PDZD2: variants seen among roughly 807,000 people sequenced by gnomAD.
PDZD2 encodes the protein PDZ domain-containing protein 2.
In PDZD2, 90 loss-of-function variants were observed where a neutral mutation model predicts 220.7. That is an observed-to-expected ratio of 0.41 (90% CI 0.34 to 0.49). The LOEUF (loss-of-function observed/expected upper bound fraction) is 0.49, where lower values mean the gene tolerates loss of function less well. PDZD2 is among the 20% of genes least tolerant of loss of function. The probability of loss-of-function intolerance (pLI) is 0.28; values close to 1 mark genes in which losing one functional copy is unlikely to be tolerated. For synonymous variants in PDZD2, 1,375 were observed against 1,450.5 expected (o/e 0.95, Z 1.18); for missense variants, 3,174 against 3,608.5 (o/e 0.88, Z 3.08).
At chr5:31,927,624 G>A (rs1178380115) in intron 2 of PDZD2, among the ~76,000 whole-genome samples, 1 of 151,956 alleles carries the variant, frequency 6.6e-6, no homozygotes. Context: ...AGCTCAGGTG[G>A]TCCACCTGCC....
chr5:31,644,122 T>A (rs2150102313), intron 1 of PDZD2, among the ~76,000 whole-genome samples: 1 of 152,336 alleles, frequency 6.6e-6, no homozygotes, highest in Admixed American at 6.5e-5. Flanking sequence ...CATTGAAGAA[T>A]GTTTTTTAAG....
At chr5:31,700,576 C>T (rs1747568324) in intron 1 of PDZD2, among the ~76,000 whole-genome samples, 1 of 152,242 alleles carries the variant, frequency 6.6e-6, no homozygotes, top group Non-Finnish European at 1.5e-5. Context: ...GCCCTGCCTG[C>T]TAAGATCCCC....
intron 2 of PDZD2, among the ~76,000 whole-genome samples, chr5:31,971,142 A>G (rs1749262517): frequency 1.3e-5 from 2 of 152,224 alleles, no homozygotes; most frequent in South Asian, 4.1e-4. Flanking sequence ...TATAACAAAA[A>G]TACCACAGAT....
intron 19 of PDZD2, among the ~76,000 whole-genome samples, chr5:32,080,035 T>C (rs985177595): frequency 2.0e-5 from 3 of 152,054 alleles, no homozygotes; most frequent in African/African-American, 7.2e-5. Context: ...AATTTGACTT[T>C]ACTGCAAAGA....
chr5:31,869,861 G>A (rs1005397059), intron 2 of PDZD2, among the ~76,000 whole-genome samples: 1 of 152,192 alleles, frequency 6.6e-6, no homozygotes, highest in Admixed American at 6.5e-5. Context: ...AGAGAGAGGG[G>A]TGGGTCTGAC....
chr5:31,930,683 G>A (rs1397182096), intron 2 of PDZD2, among the ~76,000 whole-genome samples: 1 of 152,194 alleles, frequency 6.6e-6, no homozygotes, highest in Non-Finnish European at 1.5e-5. Context: ...TTTAGGGGTA[G>A]ACAACTGAGG....
At chr5:31,972,537 G>A (rs1403305616) in intron 2 of PDZD2, among the ~76,000 whole-genome samples, 1 of 152,182 alleles carries the variant, frequency 6.6e-6, no homozygotes, top group African/African-American at 2.4e-5. Context: ...CACAAAGACA[G>A]GAATCTTGGT....
intron 1 of PDZD2, among the ~76,000 whole-genome samples, chr5:31,693,961 C>T (rs1321743610): frequency 6.6e-6 from 1 of 152,184 alleles, no homozygotes; most frequent in African/African-American, 2.4e-5. Flanking sequence ...TTTCATATGT[C>T]AAAGCCCTTT....
intron 2 of PDZD2, among the ~76,000 whole-genome samples, chr5:31,881,375 T>TA (rs869172050): frequency 0.025 from 3,047 of 121,546 alleles, 126 homozygotes; most frequent in African/African-American, 0.1. Flanking sequence ...TGTGTATATA[T>TA]TTTTTTTTTT....
chr5:31,806,072 C>T (rs1754696228), intron 2 of PDZD2, among the ~76,000 whole-genome samples: 1 of 152,138 alleles, frequency 6.6e-6, no homozygotes, highest in Non-Finnish European at 1.5e-5. Context: ...TTTGTGGTCG[C>T]CCTAGAAAAC....
In PDZD2 at chr5:31,895,280, A is replaced by C. The variant is rs1561549783; in HGVS notation, c.477-87875A>C. 5.3e-5 allele frequency among the ~76,000 whole-genome samples: 8 copies of C among 152,304 alleles called. No homozygotes were observed. In the South Asian group the frequency reaches 1.7e-3, roughly 32 times the overall value. On this transcript the variant is annotated intron_variant, in intron 2 of 24. Transcript: ENST00000438447. Reference sequence around the variant, plus strand: ...AATCCTAACCCTGAAGGTTGAGGGTATCAGGAGGTGGGGCTTTTTGGAGGC... The same window carrying C: ...AATCCTAACCCTGAAGGTTGAGGGTCTCAGGAGGTGGGGCTTTTTGGAGGC...
Position 31,979,104 on chromosome 5 carries a change from T to G in PDZD2, c.477-4051T>G, listed in dbSNP as rs563556252. Among the ~76,000 whole-genome samples, 5 of 152,302 alleles carry G rather than the reference T, an allele frequency of 3.3e-5. No individual in the cohort carries two copies. In the South Asian group the frequency reaches 8.3e-4, roughly 25 times the overall value. ...TACTCTGAATCAATAGGCCAGACTT[T>G]TTGGTACTGAAAAGGTCTCTGCATA... On this transcript the variant is annotated intron_variant, in intron 2 of 24. Coordinates refer to ENST00000438447, the MANE Select transcript of PDZD2 (RefSeq NM_178140.4).
At chr5:31,712,477 TCTCTCC>T (rs199779626) in intron 1 of PDZD2, among the ~76,000 whole-genome samples, 18,832 of 83,836 alleles carry the variant, frequency 0.22, 1,315 homozygotes, top group East Asian at 0.42. Context: ...TCTCTCTCTC[TCTCTCC>T]CCCTCTCTCC....
intron 2 of PDZD2, chr5:31,855,010 C>A: frequency 2.0e-6 from 2 of 985,430 alleles, no homozygotes; most frequent in Non-Finnish European, 2.4e-6. Flanking sequence ...GGCAGCCGCC[C>A]CAGGCCCCCG....
chr5:31,855,564 G>C (rs1456349368), intron 2 of PDZD2, among the ~76,000 whole-genome samples: 1 of 152,216 alleles, frequency 6.6e-6, no homozygotes, highest in Admixed American at 6.5e-5. Flanking sequence ...GGGGCGGGGG[G>C]CATGGCAGCA....
At chr5:31,915,880 C>G (rs1482713069) in intron 2 of PDZD2, among the ~76,000 whole-genome samples, 1 of 152,010 alleles carries the variant, frequency 6.6e-6, no homozygotes, top group Non-Finnish European at 1.5e-5. Flanking sequence ...AGCTTTGTTC[C>G]GAAATCTTTT....
chr5:32,057,595 C>T, intron 10 of PDZD2, 60 bp from the exon 11 acceptor site: 2 of 940,760 alleles, frequency 2.1e-6, no homozygotes, highest in Non-Finnish European at 3.4e-6. Context: ...TCTGACTGAG[C>T]AGTTAAATTC....
At position 31,737,088 on chromosome 5, in the gene PDZD2, G is replaced by C. The variant is rs139150352; in HGVS notation, c.-360-61801G>C. ...CAAGTATTTCTTTATAGCAATGCAA[G>C]AATGACCTAATATGCCCACTTACAC... On this transcript the variant is annotated intron_variant, in intron 1 of 24. Coordinates refer to ENST00000438447, the MANE Select transcript of PDZD2 (RefSeq NM_178140.4). Among the ~76,000 whole-genome samples the C allele has an allele frequency of 4.1e-3, 616 of 150,190 alleles. 2 individuals are homozygous for C. Among genetic ancestry groups the C allele is most frequent in the Non-Finnish European group, 7.2e-3 (488 of 67,620 alleles).
intron 18 of PDZD2, among the ~76,000 whole-genome samples, chr5:32,075,642 A>G (rs1351010506): frequency 6.6e-6 from 1 of 152,212 alleles, no homozygotes; most frequent in Non-Finnish European, 1.5e-5. Flanking sequence ...AAAATGTTCA[A>G]TATACCTCTA....
Sources: gnomAD v4.1 joint callset for allele counts (sites outside exome capture counted in the v4.1 genomes callset) on GRCh38, gnomAD v4.1.1 for gene constraint, MANE v1.5 for transcripts, NCBI Gene and HGNC (gene_info 2026-07-23, HGNC 2026-07-21) for gene names.